MDM4: variants seen among roughly 807,000 people sequenced by gnomAD.
The protein encoded by MDM4 is protein Mdm4.
In MDM4, 2 loss-of-function variants were observed where a neutral mutation model predicts 60.2. The observed-to-expected ratio is 0.03, with a 90% CI of 0.01 to 0.10. The LOEUF (loss-of-function observed/expected upper bound fraction) is 0.10. Ranked by LOEUF, MDM4 falls within the 10% of genes least tolerant of loss-of-function variation. MDM4 has a pLI of 1.00. For missense variants in MDM4, 447 were observed against 577.5 expected (o/e 0.77, Z 2.32); for synonymous variants, 202 against 198.1 (o/e 1.02, Z -0.17).
intron 10 of MDM4, among the ~76,000 whole-genome samples, chr1:204,548,628 C>T (rs907489227): frequency 9.2e-5 from 14 of 152,172 alleles, no homozygotes; most frequent in African/African-American, 3.4e-4. Context: ...ATTCTGGGTG[C>T]AATGAGAGTG....
chr1:204,536,642 G>A (rs908253751), intron 5 of MDM4, among the ~76,000 whole-genome samples: 5 of 152,058 alleles, frequency 3.3e-5, no homozygotes, highest in African/African-American at 7.2e-5. Flanking sequence ...TGATCTTTTC[G>A]TGTAGCCAAG....
At position 204,532,262 on chromosome 1, in the gene MDM4, T is replaced by G; in HGVS notation, c.343+16T>G. The G allele has an allele frequency of 6.5e-7, 1 of 1,529,520 alleles. No individual in the cohort carries two copies. The highest frequency in any genetic ancestry group is 9.1e-7 in the Non-Finnish European group (1 of 1,104,112). The allele number at this position is 1,529,520 out of a possible 1,614,324, so 94.7% of individuals were successfully genotyped here. ...GCTACTACAGGTATGTCACATCATA[T>G]TTCTTCAGTCTGTATCACAGCTTTG... On this transcript the variant is annotated intron_variant, in intron 5 of 10. Coordinates refer to ENST00000367182, the MANE Select transcript of MDM4 (RefSeq NM_002393.5).
intron 1 of MDM4, among the ~76,000 whole-genome samples, chr1:204,523,259 G>A (rs1659753250): frequency 6.7e-6 from 1 of 148,178 alleles, no homozygotes; most frequent in Non-Finnish European, 1.5e-5. Context: ...CACGAGGTCA[G>A]GAGATCAAGA....
intron 1 of MDM4, among the ~76,000 whole-genome samples, chr1:204,523,681 C>A (rs1194168348): frequency 1.3e-4 from 19 of 151,560 alleles, no homozygotes; most frequent in Non-Finnish European, 2.9e-5. Flanking sequence ...GGGTTTTGCC[C>A]TGTTGCCTAG....
chr1:204,529,115 G>C, intron 3 of MDM4: 1 of 1,239,390 alleles, frequency 8.1e-7, no homozygotes, highest in Non-Finnish European at 1.2e-6. Flanking sequence ...AGTTGTCCCA[G>C]TCATAACTGC....
At chr1:204,519,717 G>A (rs1163507210) in intron 1 of MDM4, among the ~76,000 whole-genome samples, 2 of 152,090 alleles carry the variant, frequency 1.3e-5, no homozygotes, top group Non-Finnish European at 2.9e-5. Context: ...CAGAGGCTAA[G>A]GTGGGAGGCT....
intron 5 of MDM4, among the ~76,000 whole-genome samples, chr1:204,534,613 CAGT>C (rs1558322103): frequency 2.6e-5 from 4 of 152,054 alleles, no homozygotes; most frequent in African/African-American, 9.6e-5. Context: ...TCAGCCTCCT[CAGT>C]AGCTGGGACT....
At chr1:204,522,951 C>T (rs1426551090) in intron 1 of MDM4, among the ~76,000 whole-genome samples, 1 of 150,612 alleles carries the variant, frequency 6.6e-6, no homozygotes, top group African/African-American at 2.4e-5. Context: ...CAACCTCCGC[C>T]TCCCAGGTTC....
intron 1 of MDM4, among the ~76,000 whole-genome samples, chr1:204,516,831 AAGG>A (rs1262820152): frequency 2.0e-5 from 3 of 152,274 alleles, no homozygotes; most frequent in African/African-American, 4.8e-5. Flanking sequence ...AATTTGGAGA[AAGG>A]AGGTGGGAGA....
rs558828094 is a variant in MDM4 at position 204,525,534 on chromosome 1, A to G, written c.16A>G (p.Thr6Ala). 1 of 1,610,544 alleles carries G rather than the reference A, an allele frequency of 6.2e-7. No homozygotes were observed. Among genetic ancestry groups the G allele is most frequent in the Admixed American group, 1.7e-5 (1 of 59,400 alleles). Reference protein sequence around the residue: MTSFSTSAQCSTSDSA... With the variant: MTSFSASAQCSTSDSA... ...CACTACCAAAATGACATCATTTTCC[A>G]CCTCTGCTCAGTGTTCAACATCTGA... The change falls in exon 2 of 11, where the codon ACC becomes GCC. Residue 6 changes from threonine (T) to alanine (A), a missense_variant. Thr to Ala is a moderately conservative substitution (Grantham distance 58). Coordinates refer to ENST00000367182, the MANE Select transcript of MDM4 (RefSeq NM_002393.5).
In MDM4 at chr1:204,538,630, G is replaced by C. The variant is rs181805488; in HGVS notation, c.511+322G>C. ...AGCTGCCTTAGACTTTTCAATCTTA[G>C]TATTCTTGTATGTATATGATTTGGT... On this transcript the variant is annotated intron_variant, in intron 7 of 10. Coordinates refer to ENST00000367182, the MANE Select transcript of MDM4 (RefSeq NM_002393.5). Among the ~76,000 whole-genome samples, 87 of 151,366 alleles carry C rather than the reference G, an allele frequency of 5.7e-4. 2 individuals carry two copies. Among genetic ancestry groups the C allele is most frequent in the Admixed American group, 1.6e-3 (24 of 15,240 alleles).
intron 10 of MDM4, among the ~76,000 whole-genome samples, chr1:204,547,357 T>G (rs3789050): frequency 0.11 from 16,186 of 152,230 alleles, 2,472 homozygotes; most frequent in African/African-American, 0.33. Flanking sequence ...AAAGAAGACT[T>G]GATATTCCAC....
At chr1:204,539,278 A>T (rs1661769107) in intron 7 of MDM4, among the ~76,000 whole-genome samples, 1 of 151,860 alleles carries the variant, frequency 6.6e-6, no homozygotes, top group Non-Finnish European at 1.5e-5. Flanking sequence ...GAGCCACTGC[A>T]CCTGGCCCAA....
At chr1:204,536,681 T>G (rs1572493704) in intron 5 of MDM4, among the ~76,000 whole-genome samples, 1 of 152,334 alleles carries the variant, frequency 6.6e-6, no homozygotes, top group Non-Finnish European at 1.5e-5. Flanking sequence ...CTTGAAAAAT[T>G]TCTTTGTAAG....
chr1:204,526,639 A>G (rs763651951), intron 3 of MDM4, among the ~76,000 whole-genome samples: 1 of 151,624 alleles, frequency 6.6e-6, no homozygotes, highest in Non-Finnish European at 1.5e-5. Context: ...AATTTTTTGT[A>G]TTTTTAGTAG....
chr1:204,535,251 G>A (rs537121796), intron 5 of MDM4, among the ~76,000 whole-genome samples: 8 of 149,280 alleles, frequency 5.4e-5, no homozygotes, highest in Non-Finnish European at 8.9e-5. Context: ...TCCACCTCCC[G>A]GGTTCACGCA....
At chr1:204,519,770 C>T (rs933101310) in intron 1 of MDM4, among the ~76,000 whole-genome samples, 6 of 151,980 alleles carry the variant, frequency 3.9e-5, no homozygotes, top group African/African-American at 9.7e-5. Context: ...GCCATGATCA[C>T]GGCACTGCAG....
At chr1:204,545,766 G>A (rs893646451) in intron 9 of MDM4, among the ~76,000 whole-genome samples, 1 of 152,082 alleles carries the variant, frequency 6.6e-6, no homozygotes, top group African/African-American at 2.4e-5. Flanking sequence ...AGCTCAAGTG[G>A]TCCTTCCACT....
chr1:204,522,335 C>T (rs1436174451), intron 1 of MDM4, among the ~76,000 whole-genome samples: 2 of 151,472 alleles, frequency 1.3e-5, no homozygotes, highest in Non-Finnish European at 2.9e-5. Context: ...ATCACACACA[C>T]ACAAAAAAAG....
Sources: allele counts gnomAD v4.1 joint callset (sites outside exome capture counted in the v4.1 genomes callset), GRCh38; gene constraint gnomAD v4.1.1; transcripts MANE v1.5; gene names NCBI Gene and HGNC (gene_info 2026-07-23, HGNC 2026-07-21).